Variants in ADGRL2 observed in about 807,000 individuals in gnomAD.
ADGRL2 encodes adhesion G protein-coupled receptor L2, also known as calcium-independent alpha-latrotoxin receptor 2.
ADGRL2 carries 44 observed loss-of-function variants against 157.4 expected under a neutral mutation model. That is an observed-to-expected ratio of 0.28 (90% CI 0.22 to 0.36). ADGRL2 has a LOEUF of 0.36. ADGRL2 is among the 10% of genes least tolerant of loss of function. ADGRL2 has a pLI of 1.00. For synonymous variants in ADGRL2, 585 were observed against 624.7 expected, an observed-to-expected ratio of 0.94 and a Z score of 0.95; for missense variants, 1,510 against 1,768.9, an observed-to-expected ratio of 0.85 and a Z score of 2.63.
At chr1:81,369,172 CAG>C (rs1384456977) in intron 1 of ADGRL2, among the ~76,000 whole-genome samples, 2 of 151,858 alleles carry the variant, frequency 1.3e-5, no homozygotes, top group East Asian at 1.9e-4. Flanking sequence ...GAGGCAGAGA[CAG>C]AGACACACAC....
chr1:81,653,498 C>G (rs1230145496), intron 3 of ADGRL2, among the ~76,000 whole-genome samples: 1 of 152,056 alleles, frequency 6.6e-6, no homozygotes, highest in Non-Finnish European at 1.5e-5. Flanking sequence ...AACAATAGAT[C>G]ATTTTCTTCA....
upstream of ADGRL2, among the ~76,000 whole-genome samples, chr1:81,795,735 G>T (rs997618495): frequency 4.6e-5 from 7 of 152,038 alleles, no homozygotes; most frequent in Non-Finnish European, 1.0e-4. Context: ...ATTGCTACTT[G>T]GTTATCTTTA....
chr1:81,763,339 C>G (rs1216405454), intron 2 of ADGRL2, among the ~76,000 whole-genome samples: 1 of 151,692 alleles, frequency 6.6e-6, no homozygotes, highest in Admixed American at 6.6e-5. Flanking sequence ...AATCCCAACA[C>G]TTTGAGAGGC....
chr1:81,969,189 C>A lies in ADGRL2; in HGVS notation c.2535C>A (p.Gly845=). The change falls in exon 15 of 24, where the codon GGC becomes GGA. Residue 845 remains glycine (G), a synonymous_variant. Transcript: ENST00000686636. ...MAHREIAYKD[G]VHELLLTVIT... is the part of the protein sequence containing the mutation. ...CTTTTTATTTTCAGTATAAAGATGG[C>A]GTTCATGAATTACTTCTTACAGTCA... The A allele has an allele frequency of 6.2e-7, 1 of 1,611,490 alleles. No individual in the cohort carries two copies. The highest frequency in any genetic ancestry group is 8.5e-7 in the Non-Finnish European group (1 of 1,177,858).
chr1:81,605,717 A>G (rs1419395448), intron 3 of ADGRL2, among the ~76,000 whole-genome samples: 1 of 152,180 alleles, frequency 6.6e-6, no homozygotes, highest in African/African-American at 2.4e-5. Flanking sequence ...TTAACACATC[A>G]AAGGCTGATT....
intron 2 of ADGRL2, among the ~76,000 whole-genome samples, chr1:81,510,561 A>G (rs1193281871): frequency 6.6e-6 from 1 of 152,198 alleles, no homozygotes; most frequent in Non-Finnish European, 1.5e-5. Flanking sequence ...TACATTCTCA[A>G]GGTTGGAAAT....
intron 2 of ADGRL2, among the ~76,000 whole-genome samples, chr1:81,892,345 C>A (rs745542999): frequency 1.3e-5 from 2 of 151,986 alleles, no homozygotes; most frequent in Non-Finnish European, 2.9e-5. Context: ...AAATTAATAT[C>A]TTAGGGGGAA....
chr1:81,343,087 C>G (rs28624303), intron 1 of ADGRL2, among the ~76,000 whole-genome samples: 1 of 127,490 alleles, frequency 7.8e-6, no homozygotes, highest in Non-Finnish European at 1.7e-5. Flanking sequence ...TTTCTTTTTT[C>G]TTTTCTTTTT....
chr1:81,463,995 A>G (rs2077996943), intron 2 of ADGRL2, among the ~76,000 whole-genome samples: 1 of 152,060 alleles, frequency 6.6e-6, no homozygotes, highest in Admixed American at 6.6e-5. Context: ...AAACACAAGC[A>G]AACAAAAACA....
At chr1:81,466,003 A>G (rs2078044208) in intron 2 of ADGRL2, among the ~76,000 whole-genome samples, 1 of 152,228 alleles carries the variant, frequency 6.6e-6, no homozygotes, top group Non-Finnish European at 1.5e-5. Flanking sequence ...TTTACAATAT[A>G]ATATGAAAGG....
At chr1:81,390,744 T>C (rs1318554806) in intron 1 of ADGRL2, among the ~76,000 whole-genome samples, 1 of 152,424 alleles carries the variant, frequency 6.6e-6, no homozygotes, top group East Asian at 1.9e-4. Flanking sequence ...TCAGTACATA[T>C]TGATCTACCA....
rs1170592629 is a variant in ADGRL2, at chr1:81,992,959, C to A, written c.*1814C>A. 6.8e-6 allele frequency among the ~76,000 whole-genome samples: 1 copy of A among 147,988 alleles called. No homozygotes were observed. The highest frequency in any genetic ancestry group is 1.5e-5 in the Non-Finnish European group (1 of 67,476). Reference sequence around the variant, plus strand: ...AATGGTTTGCTATAATTCTCAAATACTACCACTAGCTTATAAATCACTTTT... The same window carrying A: ...AATGGTTTGCTATAATTCTCAAATAATACCACTAGCTTATAAATCACTTTT... On this transcript the variant is annotated 3_prime_UTR_variant, in exon 24 of 24. Transcript: ENST00000686636.
chr1:81,778,272 A>G (rs1042410033), intron 2 of ADGRL2, among the ~76,000 whole-genome samples: 5 of 151,264 alleles, frequency 3.3e-5, no homozygotes, highest in Non-Finnish European at 7.4e-5. Context: ...CAGTGAGCGG[A>G]GATCACGCCA....
At chr1:81,789,800 G>T (rs1466072265) in intron 2 of ADGRL2, among the ~76,000 whole-genome samples, 4 of 151,332 alleles carry the variant, frequency 2.6e-5, no homozygotes, top group Admixed American at 1.3e-4. Flanking sequence ...TCCTTTTTTG[G>T]ACATTTCTAT....
At chr1:81,373,571 A>G (rs1396481119) in intron 1 of ADGRL2, among the ~76,000 whole-genome samples, 2 of 152,358 alleles carry the variant, frequency 1.3e-5, no homozygotes, top group South Asian at 4.1e-4. Flanking sequence ...TCAGGGAAAT[A>G]TAACTAGCAT....
At chr1:81,445,890 G>T (rs543968436) in intron 2 of ADGRL2, among the ~76,000 whole-genome samples, 2 of 152,258 alleles carry the variant, frequency 1.3e-5, no homozygotes, top group East Asian at 3.9e-4. Flanking sequence ...TTAAAATATT[G>T]CCTGGCACCT....
upstream of ADGRL2, among the ~76,000 whole-genome samples, chr1:81,697,886 A>G (rs575351304): frequency 6.0e-4 from 91 of 152,340 alleles, no homozygotes; most frequent in African/African-American, 2.0e-3. Flanking sequence ...TATTAGAAAT[A>G]GAGTGCAGAA....
At chr1:81,540,070 A>G (rs1374578587) in intron 2 of ADGRL2, among the ~76,000 whole-genome samples, 2 of 152,198 alleles carry the variant, frequency 1.3e-5, no homozygotes, top group African/African-American at 2.4e-5. Flanking sequence ...GATCTCAGGC[A>G]GGTCATTTAA....
chr1:81,901,975 A>C (rs918800457), intron 2 of ADGRL2, among the ~76,000 whole-genome samples: 1 of 152,180 alleles, frequency 6.6e-6, no homozygotes, highest in Non-Finnish European at 1.5e-5. Flanking sequence ...ACATGTGCCC[A>C]AGGCGGTTGG....
Sources: gnomAD v4.1 joint callset for allele counts (sites outside exome capture counted in the v4.1 genomes callset) on GRCh38, gnomAD v4.1.1 for gene constraint, MANE v1.5 for transcripts, NCBI Gene and HGNC (gene_info 2026-07-23, HGNC 2026-07-21) for gene names.